MID1: variants seen among roughly 807,000 people sequenced by gnomAD.
MID1 encodes the protein midline 1.
In MID1, 7 loss-of-function variants were observed where a neutral mutation model predicts 40.4. That is an observed-to-expected ratio of 0.17 (90% CI 0.10 to 0.33). The LOEUF (loss-of-function observed/expected upper bound fraction) is 0.33. MID1 is among the 10% of genes least tolerant of loss of function. The pLI is 1.00. For synonymous variants in MID1, 229 were observed against 221.2 expected (o/e 1.04, Z -0.31); for missense variants, 367 against 558.5 (o/e 0.66, Z 3.46).
intron 7 of MID1, 91 bp from the exon 8 acceptor site, chrX:10,459,898 A>C: frequency 1.0e-6 from 1 of 966,855 alleles, no homozygotes; most frequent in Non-Finnish European, 1.5e-6. Context: ...ATTTATTTGA[A>C]TAGAGTTGGT....
chrX:10,798,404 C>G (rs994336254), intron 1 of MID1, among the ~76,000 whole-genome samples: 1 of 112,230 alleles, frequency 8.9e-6, no homozygotes, highest in African/African-American at 3.2e-5. Flanking sequence ...ATGCTCCCCT[C>G]CTCTCTCCTA....
intron 9 of MID1, among the ~76,000 whole-genome samples, chrX:10,450,859 A>G (rs1462504706): frequency 1.8e-5 from 2 of 112,044 alleles, no homozygotes; most frequent in Non-Finnish European, 3.8e-5. Context: ...AGATAAACAA[A>G]ACCCATCACT....
In MID1 at chrX:10,580,190, C is replaced by G. The variant is rs925377979; in HGVS notation, c.-56-12587G>C. Among the ~76,000 whole-genome samples, 137 of 75,023 alleles carry G rather than the reference C, an allele frequency of 1.8e-3. 2 individuals are homozygous for G. Among genetic ancestry groups the G allele is most frequent in the African/African-American group, 0.012 (130 of 10,910 alleles). 65.1% of individuals were successfully genotyped at this position (75,023 alleles called of 115,157 possible). ...CTTCAAATCACATTCAATCACATGC[C>G]CCCCCCCGCCCCGCCCTTTCAACCA... is the stretch of plus-strand genomic sequence containing the variant. On this transcript the variant is annotated intron_variant, in intron 1 of 9. Coordinates refer to ENST00000317552, the MANE Select transcript of MID1 (RefSeq NM_000381.4).
rs1227042668 is a variant in MID1 at position 10,820,852 on chromosome X, T to A, written c.-187+12702A>T. On this transcript the variant is annotated intron_variant, in intron 1 of 10. Coordinates refer to the MID1 transcript ENST00000380785. ...TTAATAATTCATCACTAACACACCGTGTCAAACTCATTTTCTGAAACAGGC... is the reference window on the plus strand; with the variant it reads ...TTAATAATTCATCACTAACACACCGAGTCAAACTCATTTTCTGAAACAGGC... Among the ~76,000 whole-genome samples the A allele has an allele frequency of 4.4e-5, 5 of 112,680 alleles. No individual in the cohort carries two copies. The East Asian group carries it at 1.4e-3, about 31-fold the overall frequency.
chrX:10,558,065 T>TA (rs368289385), intron 2 of MID1, among the ~76,000 whole-genome samples: 1,546 of 89,741 alleles, frequency 0.017, 24 homozygotes, highest in East Asian at 0.072. Context: ...CTCTCTCTCT[T>TA]AAAAAAAAAA....
rs1020536084 is a variant in MID1 at position 10,445,921 on chromosome X, T to C, written c.*3447A>G. The C allele has an allele frequency of 9.0e-6, 1 of 111,712 alleles. No individual in the cohort carries two copies. Among genetic ancestry groups the C allele is most frequent in the Non-Finnish European group, 1.9e-5 (1 of 53,194 alleles). 9.2% of individuals were successfully genotyped at this position (111,712 alleles called of 1,213,427 possible). A position where few individuals can be genotyped will look rare whatever the true frequency, so the allele number is the denominator to read the frequency against. On this transcript the variant is annotated 3_prime_UTR_variant, in exon 10 of 10. Coordinates refer to ENST00000317552, the MANE Select transcript of MID1 (RefSeq NM_000381.4). ...AATGACAGGAAAAGTGAAAGGTTTTTATGAGAGTTTTGCATTAAAAGAAAA... is the reference window on the plus strand; with the variant it reads ...AATGACAGGAAAAGTGAAAGGTTTTCATGAGAGTTTTGCATTAAAAGAAAA...
At chrX:10,464,784 C>T (rs1292526086) in intron 7 of MID1, among the ~76,000 whole-genome samples, 2 of 111,791 alleles carry the variant, frequency 1.8e-5, no homozygotes, top group African/African-American at 6.5e-5. Context: ...TCTACTTAGG[C>T]CCTGTGGTTG....
rs1043022208 is a variant in MID1, at chrX:10,681,936, T to C, written c.-186-61517A>G. On this transcript the variant is annotated intron_variant, in intron 1 of 10. Transcript: ENST00000380785. ...AGACACTCAATAAACATTTGTTGAATAAACCTTTGTGTAAAAACAAATAAT... is the reference window on the plus strand; with the variant it reads ...AGACACTCAATAAACATTTGTTGAACAAACCTTTGTGTAAAAACAAATAAT... Among the ~76,000 whole-genome samples, 4 of 112,131 alleles carry C rather than the reference T, an allele frequency of 3.6e-5. No homozygotes were observed. The East Asian group carries it at 1.1e-3, about 31-fold the overall frequency.
chrX:10,445,549 C>T (rs1161997257), downstream of MID1: 1 of 111,837 alleles, frequency 8.9e-6, no homozygotes, highest in Non-Finnish European at 1.9e-5. Flanking sequence ...CAGGCAGAGA[C>T]AGAGGGTCTT....
intron 1 of MID1, among the ~76,000 whole-genome samples, chrX:10,646,039 G>A (rs1245745642): frequency 9.0e-6 from 1 of 111,184 alleles, no homozygotes; most frequent in African/African-American, 3.3e-5. Context: ...GCCCTTGTCT[G>A]GGCTTTACAG....
At chrX:10,826,161 T>C (rs370694241) in intron 1 of MID1, among the ~76,000 whole-genome samples, 1 of 111,000 alleles carries the variant, frequency 9.0e-6, no homozygotes, top group Middle Eastern at 4.6e-3. Context: ...TACACCACTA[T>C]CCTTCTAGAT....
chrX:10,704,737 T>TACACACACACACACACAC (rs1463296582), intron 1 of MID1, among the ~76,000 whole-genome samples: 1 of 86,727 alleles, frequency 1.2e-5, no homozygotes, highest in African/African-American at 5.1e-5. Flanking sequence ...TATATATATA[T>TACACACACACACACACAC]ATACACACAC....
At chrX:10,800,123 C>T (rs2043996397) in intron 1 of MID1, among the ~76,000 whole-genome samples, 1 of 111,362 alleles carries the variant, frequency 9.0e-6, no homozygotes, top group Non-Finnish European at 1.9e-5. Context: ...GACATGGCAA[C>T]ATTGAGGGGA....
intron 2 of MID1, among the ~76,000 whole-genome samples, chrX:10,563,703 A>G (rs1934424423): frequency 8.9e-6 from 1 of 111,980 alleles, no homozygotes; most frequent in Non-Finnish European, 1.9e-5. Context: ...CTTTGCTTCA[A>G]TATTTCATGA....
At chrX:10,684,630 C>T (rs1486706819) in intron 1 of MID1, among the ~76,000 whole-genome samples, 2 of 108,548 alleles carry the variant, frequency 1.8e-5, no homozygotes, top group Non-Finnish European at 3.8e-5. Flanking sequence ...AGGATGGTCT[C>T]GATCTCTTGA....
rs1371074878 is a variant in MID1, at chrX:10,580,663, AAT to A, written c.-56-13062_-56-13061del. ...CTAAAGAAGTTCAAAAAAGTAAAAAAATATGTCTGATTTTGCGCTCCATTAAA... is the reference window on the plus strand; with the variant it reads ...CTAAAGAAGTTCAAAAAAGTAAAAAAATGTCTGATTTTGCGCTCCATTAAA... On this transcript the variant is annotated intron_variant, in intron 1 of 9. Coordinates refer to ENST00000317552, the MANE Select transcript of MID1 (RefSeq NM_000381.4). Among the ~76,000 whole-genome samples the A allele has an allele frequency of 1.3e-3, 140 of 111,652 alleles. 2 individuals are homozygous for A. Among genetic ancestry groups the A allele is most frequent in the African/African-American group, 4.3e-3 (132 of 30,701 alleles).
At position 10,533,392 on chromosome X, in the gene MID1, AAAG is replaced by A. The variant is rs1933093553; in HGVS notation, c.661-10208_661-10206del. On this transcript the variant is annotated intron_variant, in intron 2 of 9. Coordinates refer to ENST00000317552, the MANE Select transcript of MID1 (RefSeq NM_000381.4). ...AGAAAGAAAGAAAAAGAAAGAAAGA[AAAG>A]AAAGAAAGAAAGAAAGAAAGAAAGA... is the stretch of plus-strand genomic sequence containing the variant. Among the ~76,000 whole-genome samples, 6 of 20,271 alleles carry A rather than the reference AAAG, an allele frequency of 3.0e-4. No individual in the cohort carries two copies. In the East Asian group the frequency reaches 4.8e-3, roughly 16 times the overall value. The allele number at this position is 20,271 out of a possible 115,157, so 17.6% of individuals were successfully genotyped here. A position where few individuals can be genotyped will look rare whatever the true frequency, so the allele number is the denominator to read the frequency against.
At chrX:10,830,813 T>C (rs1446948113) in intron 1 of MID1, among the ~76,000 whole-genome samples, 3 of 111,968 alleles carry the variant, frequency 2.7e-5, no homozygotes, top group Non-Finnish European at 3.8e-5. Context: ...CACACACACA[T>C]ACACACATTA....
At chrX:10,791,125 C>G (rs1369263309) in intron 1 of MID1, among the ~76,000 whole-genome samples, 2 of 112,585 alleles carry the variant, frequency 1.8e-5, no homozygotes, top group East Asian at 5.6e-4. Flanking sequence ...AAGGAAAATT[C>G]TTGAAGTTTT....
Sources: allele counts gnomAD v4.1 joint callset (sites outside exome capture counted in the v4.1 genomes callset), GRCh38; gene constraint gnomAD v4.1.1; transcripts MANE v1.5; gene names NCBI Gene and HGNC (gene_info 2026-07-23, HGNC 2026-07-21).